Variants in ACOX3 observed in about 807,000 individuals in gnomAD.
ACOX3 encodes acyl-CoA oxidase 3, pristanoyl.
Under a neutral mutation model 81.5 loss-of-function variants are expected in ACOX3, and 73 were observed. The ratio of observed to expected loss-of-function variants is 0.90; its 90% CI spans 0.74 to 1.09. The LOEUF (loss-of-function observed/expected upper bound fraction) is 1.09, where lower values mean the gene tolerates loss of function less well. Ranked by LOEUF, ACOX3 falls within the 50% of genes least tolerant of loss-of-function variation. The pLI is 0.00. For synonymous variants in ACOX3, 387 were observed against 375.1 expected (o/e 1.03, Z -0.37); for missense variants, 947 against 928.0 (o/e 1.02, Z -0.27).
rs1194265807 is a variant in ACOX3, at chr4:8,370,974, G to A, written c.1917C>T (p.Ala639=). The A allele has an allele frequency of 7.4e-6, 12 of 1,614,076 alleles. No homozygotes were observed. The highest frequency in any genetic ancestry group is 1.0e-5 in the Non-Finnish European group (12 of 1,180,022). Residue 639 remains alanine, a synonymous_variant, in exon 17 of 18, where the codon GCC becomes GCT. Transcript: ENST00000356406. The surrounding 1 kb of genome is among the most constrained non-coding windows in gnomAD (Gnocchi z 6.3). ...LCSQLKDDAV[A]LVDVIAPPDF... ...CAGGAGGAGCGATCACGTCTACCAG[G>A]GCAACTGCATCGTCTTTCAGCTGTT...
chr4:8,367,583 TC>T (rs1203227213), intron 17 of ACOX3, among the ~76,000 whole-genome samples: 1 of 152,068 alleles, frequency 6.6e-6, no homozygotes, highest in Non-Finnish European at 1.5e-5. Context: ...ATGAATATTT[TC>T]TTTTTTTTTC....
chr4:8,408,891 T>TGGCGGG (rs1560193586), intron 6 of ACOX3, among the ~76,000 whole-genome samples: 5 of 25,798 alleles, frequency 1.9e-4, no homozygotes, highest in African/African-American at 2.7e-4. Context: ...GAGCCCTCAC[T>TGGCGGG]GGGGGGGGGG....
intron 7 of ACOX3, among the ~76,000 whole-genome samples, chr4:8,403,186 G>A (rs74417164): frequency 0.071 from 10,780 of 152,242 alleles, 764 homozygotes; most frequent in African/African-American, 0.18. Context: ...CTTGTAAAGT[G>A]ACAAAATCTA....
In ACOX3 at chr4:8,394,757, A is replaced by C; in HGVS notation, c.1057-15T>G. The C allele has an allele frequency of 3.7e-6, 6 of 1,611,144 alleles. No individual in the cohort carries two copies. The highest frequency in any genetic ancestry group is 5.1e-6 in the Non-Finnish European group (6 of 1,178,504). The stretch of plus-strand genomic sequence containing the variant: ...AAGCGCCATTGCTAGAACAGACAAG[A>C]CACCTGCGTGAACACATCGTGGTTC... On this transcript the variant is annotated splice_polypyrimidine_tract_variant and intron_variant, in intron 9 of 17. Coordinates refer to ENST00000356406, the MANE Select transcript of ACOX3 (RefSeq NM_003501.3). The surrounding 1 kb of genome is among the most constrained non-coding windows in gnomAD (Gnocchi z 5.9).
intron 7 of ACOX3, among the ~76,000 whole-genome samples, chr4:8,404,377 C>A (rs893799801): frequency 3.3e-5 from 5 of 151,962 alleles, no homozygotes; most frequent in Non-Finnish European, 7.4e-5. Flanking sequence ...CCAGTGAGAA[C>A]CCAGAACTCT....
At chr4:8,429,739 A>G (rs1017210555) in intron 1 of ACOX3, among the ~76,000 whole-genome samples, 2 of 151,934 alleles carry the variant, frequency 1.3e-5, no homozygotes, top group African/African-American at 4.8e-5. Context: ...GGGCATTACA[A>G]CAGAATCAAC....
At position 8,410,329 on chromosome 4, in the gene ACOX3, G is replaced by A. The variant is rs369403805; in HGVS notation, c.570C>T (p.Phe190=). 5 of 1,613,950 alleles carry A rather than the reference G, an allele frequency of 3.1e-6. No individual in the cohort carries two copies. The highest frequency in any genetic ancestry group is 1.3e-5 in the African/African-American group (1 of 74,908). ...TEEFIIHSPD[F]EAAKFWVGNM... ...TGCCAACCCAAAACTTGGCAGCTTCGAAATCAGGGGAATGTATGATGAATT... is the reference window on the plus strand; with the variant it reads ...TGCCAACCCAAAACTTGGCAGCTTCAAAATCAGGGGAATGTATGATGAATT... The change falls in exon 6 of 18, where the codon TTC becomes TTT. Residue 190 remains phenylalanine (F), a synonymous_variant. Transcript: ENST00000356406.
intron 1 of ACOX3, among the ~76,000 whole-genome samples, chr4:8,422,054 A>G (rs1001412273): frequency 1.3e-5 from 2 of 152,230 alleles, no homozygotes; most frequent in Non-Finnish European, 2.9e-5. Context: ...ATATTCCTAT[A>G]GAGGCAAATG....
chr4:8,429,287 C>T (rs1723802764), intron 1 of ACOX3, among the ~76,000 whole-genome samples: 1 of 152,170 alleles, frequency 6.6e-6, no homozygotes, highest in African/African-American at 2.4e-5. Context: ...GTTCTCTCGG[C>T]CCCGAAGAAG....
intron 5 of ACOX3, among the ~76,000 whole-genome samples, chr4:8,412,882 T>C (rs1192333643): frequency 7.1e-4 from 69 of 97,732 alleles, no homozygotes; most frequent in East Asian, 1.4e-3. Context: ...TCCACCCCTG[T>C]GCCCCTCCAC....
intron 14 of ACOX3, among the ~76,000 whole-genome samples, chr4:8,377,764 T>A (rs980263412): frequency 6.6e-6 from 1 of 152,182 alleles, no homozygotes; most frequent in Admixed American, 6.5e-5. Flanking sequence ...CAAGGTGGGC[T>A]GGGGCCCAGG....
chr4:8,373,136 G>A (rs1056606211), intron 16 of ACOX3, among the ~76,000 whole-genome samples: 13 of 152,312 alleles, frequency 8.5e-5, no homozygotes, highest in South Asian at 2.1e-4. Flanking sequence ...TGAGTCCCCC[G>A]AATGCTCAGA....
rs1172024816 is a variant in ACOX3, at chr4:8,415,986, G to A, written c.158C>T (p.Ser53Leu). 6.2e-7 allele frequency: 1 copy of A among 1,613,992 alleles called. No individual in the cohort carries two copies. Among genetic ancestry groups the A allele is most frequent in the African/African-American group, 1.3e-5 (1 of 74,932 alleles). The stretch of plus-strand genomic sequence containing the variant: ...GAAAAGAGGGTCATTCTCAAGAGCT[G>A]AGAAGATGGTTTTCTGGAAATGCAG... The part of the protein sequence containing the change: ...GMLRFKKTIF[S>L]ALENDPLFAR... Residue 53 changes from serine to leucine, a missense_variant, in exon 3 of 18, where the codon TCA becomes TTA. Physicochemically the swap from Ser to Leu is moderately radical, Grantham distance 145 (BLOSUM62 -2). Coordinates refer to ENST00000356406, the MANE Select transcript of ACOX3 (RefSeq NM_003501.3).
At chr4:8,373,154 C>G (rs1716444596) in intron 16 of ACOX3, among the ~76,000 whole-genome samples, 1 of 152,198 alleles carries the variant, frequency 6.6e-6, no homozygotes. Flanking sequence ...AGAGAATTCT[C>G]AAAGTAGCTG....
chr4:8,394,684 G>T lies in ACOX3; in HGVS notation c.1115C>A (p.Ser372Ter). Residue 372 changes from serine to a stop codon, truncating the protein, a stop_gained, in exon 10 of 18, where the codon TCG becomes TAG. Transcript: ENST00000356406. LOFTEE classifies it high-confidence loss of function. This position sits in a 1 kb window ranked among gnomAD's most constrained non-coding sequence, Gnocchi z 5.9. The part of the protein sequence containing the change: ...AVYALDHFSK[S>*]LFLDLVELQR... ...GAGCTCCACCAGGTCCAGGAAGAGC[G>T]ACTTGGAGAAATGGTCTAAGGCGTA... 1 of 1,613,870 alleles carries T rather than the reference G, an allele frequency of 6.2e-7. No homozygotes were observed. Among genetic ancestry groups the T allele is most frequent in the South Asian group, 1.1e-5 (1 of 91,058 alleles).
chr4:8,426,507 C>T (rs149646304), intron 1 of ACOX3, among the ~76,000 whole-genome samples: 2 of 138,672 alleles, frequency 1.4e-5, no homozygotes, highest in Non-Finnish European at 3.1e-5. Flanking sequence ...CATGGCCCCC[C>T]CCGTCATATT....
chr4:8,356,634 G>A, the ACOX3 span: 105,597 of 455,954 alleles, frequency 0.23, 12,639 homozygotes, highest in Non-Finnish European at 0.25. Context: ...CAGGTGAGAG[G>A]AAGAAAGTGT....
At chr4:8,378,667 G>GT (rs2108814032) in intron 14 of ACOX3, among the ~76,000 whole-genome samples, 1 of 152,314 alleles carries the variant, frequency 6.6e-6, no homozygotes, top group African/African-American at 2.4e-5. Context: ...CCCATCTTTT[G>GT]TATCTACTGG....
chr4:8,416,937 G>A lies in ACOX3; in HGVS notation c.-14-402C>T, dbSNP rs1371916488. On this transcript the variant is annotated intron_variant, in intron 1 of 17. Transcript: ENST00000356406. The surrounding 1 kb of genome is among the most constrained non-coding windows in gnomAD (Gnocchi z 4.2). ...CCCAGGGTCAGGAAGCATTCCCTCT[G>A]GAATCCAGCCAGTGCCAGCTGGTCC... Among the ~76,000 whole-genome samples the A allele has an allele frequency of 6.6e-6, 1 of 152,198 alleles. No homozygotes were observed. Among genetic ancestry groups the A allele is most frequent in the East Asian group, 1.9e-4 (1 of 5,194 alleles).
Sources: gnomAD v4.1 joint callset for allele counts (sites outside exome capture counted in the v4.1 genomes callset) on GRCh38, gnomAD v4.1.1 for gene constraint, Gnocchi (gnomAD v3.1) non-coding constraint, MANE v1.5 for transcripts, NCBI Gene and HGNC (gene_info 2026-07-23, HGNC 2026-07-21) for gene names.